The following SLC4A5 variants were observed in gnomAD, a reference collection of about 807,000 sequenced individuals.
The protein encoded by SLC4A5 is electrogenic sodium bicarbonate cotransporter 4.
In SLC4A5, 96 loss-of-function variants were observed where a neutral mutation model predicts 120.4. The ratio of observed to expected loss-of-function variants is 0.80; its 90% CI spans 0.68 to 0.94. The LOEUF (loss-of-function observed/expected upper bound fraction) is 0.94, where lower values mean the gene tolerates loss of function less well. SLC4A5 is among the 40% of genes least tolerant of loss of function. The pLI is 0.00. For missense variants in SLC4A5, 1,259 were observed against 1,459.5 expected (o/e 0.86, Z 2.24); for synonymous variants, 550 against 571.1 (o/e 0.96, Z 0.53).
At chr2:74,261,456 C>A (rs1447293655) in intron 11 of SLC4A5, among the ~76,000 whole-genome samples, 1 of 152,238 alleles carries the variant, frequency 6.6e-6, no homozygotes, top group South Asian at 2.1e-4. Context: ...GACAGGGGTA[C>A]AGCACTGGGC....
At chr2:74,291,115 C>T (rs1347627603) in intron 7 of SLC4A5, among the ~76,000 whole-genome samples, 1 of 152,208 alleles carries the variant, frequency 6.6e-6, no homozygotes, top group African/African-American at 2.4e-5. Flanking sequence ...TTTCTTTCCT[C>T]CCCAACTTTA....
intron 7 of SLC4A5, among the ~76,000 whole-genome samples, chr2:74,302,305 C>CCAAATGCACCAAATG (rs1275259580): frequency 2.0e-5 from 3 of 152,136 alleles, no homozygotes; most frequent in Non-Finnish European, 2.9e-5. Flanking sequence ...AGGAAATGCA[C>CCAAATGCACCAAATG]CAATATATTT....
chr2:74,301,142 G>A (rs1423887878), intron 7 of SLC4A5, among the ~76,000 whole-genome samples: 1 of 152,068 alleles, frequency 6.6e-6, no homozygotes, highest in Non-Finnish European at 1.5e-5. Context: ...AGCCACCCTC[G>A]TGGGTCTCTG....
At chr2:74,246,916 A>T in intron 19 of SLC4A5, 120 bp downstream of exon 19, 1 of 1,309,820 alleles carries the variant, frequency 7.6e-7, no homozygotes. Flanking sequence ...GCTCTCTTGG[A>T]ACTGTAAGCC....
At chr2:74,224,732 G>C in intron 28 of SLC4A5, 108 bp downstream of exon 28, 1 of 1,473,734 alleles carries the variant, frequency 6.8e-7, no homozygotes, top group East Asian at 2.3e-5. Flanking sequence ...ACTGGGCCGA[G>C]GCACTGCTGC....
At chr2:74,292,231 C>T (rs1301862779) in intron 7 of SLC4A5, among the ~76,000 whole-genome samples, 1 of 152,186 alleles carries the variant, frequency 6.6e-6, no homozygotes, top group Non-Finnish European at 1.5e-5. Context: ...ATTGTTGATG[C>T]CAGCAGGTGA....
chr2:74,257,255 A>G (rs1670997530), intron 12 of SLC4A5, among the ~76,000 whole-genome samples: 1 of 151,992 alleles, frequency 6.6e-6, no homozygotes, highest in Admixed American at 6.5e-5. Context: ...GACAAAAAAA[A>G]AATAACCCTC....
At chr2:74,325,389 C>G (rs1673195078) in intron 5 of SLC4A5, among the ~76,000 whole-genome samples, 1 of 152,154 alleles carries the variant, frequency 6.6e-6, no homozygotes, top group Non-Finnish European at 1.5e-5. Flanking sequence ...TGCTTCATGT[C>G]CTCTGTGCTA....
At chr2:74,336,122 C>T (rs1050117862) in intron 3 of SLC4A5, among the ~76,000 whole-genome samples, 1 of 152,158 alleles carries the variant, frequency 6.6e-6, no homozygotes, top group Non-Finnish European at 1.5e-5. Flanking sequence ...GGCTAGAGTG[C>T]AGTGGCACTA....
At chr2:74,239,678 C>T (rs12464182) in intron 20 of SLC4A5, 143 bp from the exon 21 acceptor site, 71,499 of 735,996 alleles carry the variant, frequency 0.097, 5,485 homozygotes, top group East Asian at 0.36. Context: ...TTCCTGGGGA[C>T]GGGCTGGTTC....
chr2:74,222,854 T>C lies in SLC4A5; in HGVS notation c.3331+14A>G. On this transcript the variant is annotated intron_variant, in intron 29 of 30. Coordinates refer to ENST00000394019, the Ensembl canonical transcript of SLC4A5. ...TAGTAGTAAGAAGGGAGAGACATCA[T>C]GTGTTTTACTTACTGGCAATGCAGT... 6.3e-7 allele frequency: 1 copy of C among 1,595,150 alleles called. No homozygotes were observed. Among genetic ancestry groups the C allele is most frequent in the Non-Finnish European group, 8.6e-7 (1 of 1,162,766 alleles).
intron 8 of SLC4A5, among the ~76,000 whole-genome samples, chr2:74,267,669 C>T (rs936396225): frequency 2.0e-5 from 3 of 152,228 alleles, no homozygotes; most frequent in African/African-American, 7.2e-5. Flanking sequence ...TTAAGACTTT[C>T]ACTTTATTGG....
At position 74,285,691 on chromosome 2, in the gene SLC4A5, G is replaced by A. The variant is rs1458903060; in HGVS notation, c.401+82C>T. On this transcript the variant is annotated intron_variant, in intron 8 of 30. Transcript: ENST00000394019. ...CCAGGAAGCTCTCAAGGTACAAGGT[G>A]CCACTTCCCACCAGGAGGGTCAGGC... 4.5e-6 allele frequency: 7 copies of A among 1,540,412 alleles called. No homozygotes were observed. In the Admixed American group the frequency reaches 1.1e-4, roughly 24 times the overall value.
chr2:74,252,227 T>A (rs771784383), exon 16 of SLC4A5: 2 of 1,612,064 alleles, frequency 1.2e-6, no homozygotes, highest in African/African-American at 2.7e-5. Flanking sequence ...GGCTGGCATC[T>A]CTCCATCATC....
intron 5 of SLC4A5, among the ~76,000 whole-genome samples, chr2:74,322,711 C>T (rs1673126142): frequency 6.6e-6 from 1 of 151,890 alleles, no homozygotes; most frequent in African/African-American, 2.4e-5. Flanking sequence ...GAGGTCTCCC[C>T]AACACTATGA....
At chr2:74,339,414 T>C (rs1241033808) in intron 2 of SLC4A5, 1 of 152,126 alleles carries the variant, frequency 6.6e-6, no homozygotes, top group African/African-American at 2.4e-5. Flanking sequence ...AAAAAATAAA[T>C]AGATTTTTAA....
At chr2:74,322,539 G>C (rs1426858249) in intron 5 of SLC4A5, among the ~76,000 whole-genome samples, 1 of 152,036 alleles carries the variant, frequency 6.6e-6, no homozygotes, top group Non-Finnish European at 1.5e-5. Flanking sequence ...ATGATCTTTG[G>C]TATTTTGGAT....
At position 74,253,144 on chromosome 2, in the gene SLC4A5, G is replaced by C. The variant is rs1670847228; in HGVS notation, c.1114-16C>G. The C allele has an allele frequency of 1.9e-6, 3 of 1,613,782 alleles. No individual in the cohort carries two copies. The African/African-American group carries it at 4.0e-5, about 22-fold the overall frequency. On this transcript the variant is annotated splice_polypyrimidine_tract_variant and intron_variant, in intron 14 of 30. Transcript: ENST00000394019. ...CACTGAAGAGCTGGCGAGGAGAGAG[G>C]AGGGAGAAAAGAAAGATCGGGTCTG...
chr2:74,297,061 AGCGCT>A (rs758119174), intron 7 of SLC4A5, among the ~76,000 whole-genome samples: 2 of 152,112 alleles, frequency 1.3e-5, no homozygotes, highest in African/African-American at 2.4e-5. Flanking sequence ...TGGTGATCCC[AGCGCT>A]GCTCAATACC....
Sources: gnomAD v4.1 joint callset for allele counts (sites outside exome capture counted in the v4.1 genomes callset) on GRCh38, gnomAD v4.1.1 for gene constraint, MANE v1.5 for transcripts, NCBI Gene and HGNC (gene_info 2026-07-23, HGNC 2026-07-21) for gene names.